TRERF1: variants seen among roughly 807,000 people sequenced by gnomAD.
TRERF1 encodes transcriptional-regulating factor 1.
In TRERF1, 27 loss-of-function variants were observed where a neutral mutation model predicts 122.9. The ratio of observed to expected loss-of-function variants is 0.22; its 90% CI spans 0.16 to 0.30. The LOEUF is 0.30. Among genes scored for constraint, TRERF1 ranks in the 10% least tolerant of loss-of-function variants. The pLI is 1.00. For synonymous variants in TRERF1, 636 were observed against 641.7 expected (o/e 0.99, Z 0.13); for missense variants, 1,248 against 1,560.3 (o/e 0.80, Z 3.37).
In TRERF1 at chr6:42,285,161, G is replaced by C. The variant is rs575960961; in HGVS notation, c.-258-15313C>G. Among the ~76,000 whole-genome samples the C allele has an allele frequency of 3.3e-5, 5 of 152,208 alleles. No individual in the cohort carries two copies. The South Asian group carries it at 8.3e-4, about 25-fold the overall frequency. The stretch of plus-strand genomic sequence containing the variant: ...TTTGTATCCTCTTTTATTTCCTTGA[G>C]CAGTGGTTTGTAGTTCTCCTTGAAG... On this transcript the variant is annotated intron_variant, in intron 4 of 17. Coordinates refer to ENST00000372922, the Ensembl canonical transcript of TRERF1.
intron 16 of TRERF1, among the ~76,000 whole-genome samples, chr6:42,233,845 G>A (rs1197308735): frequency 1.3e-5 from 2 of 152,184 alleles, no homozygotes; most frequent in Non-Finnish European, 2.9e-5. Flanking sequence ...GTTTTCTGAC[G>A]TATTCTACGT....
At chr6:42,351,289 A>C (rs552622773) in intron 3 of TRERF1, among the ~76,000 whole-genome samples, 1 of 152,334 alleles carries the variant, frequency 6.6e-6, no homozygotes, top group Non-Finnish European at 1.5e-5. Context: ...TGATGAAATA[A>C]TCAGAGGAAT....
At chr6:42,400,356 G>A (rs1437720347) in intron 2 of TRERF1, among the ~76,000 whole-genome samples, 1 of 152,224 alleles carries the variant, frequency 6.6e-6, no homozygotes, top group African/African-American at 2.4e-5. Flanking sequence ...AGAAGGAGGA[G>A]TAAGGCAGCT....
intron 2 of TRERF1, among the ~76,000 whole-genome samples, chr6:42,442,141 T>C (rs989368015): frequency 1.3e-5 from 2 of 152,116 alleles, no homozygotes; most frequent in African/African-American, 4.8e-5. Flanking sequence ...TCAGCCTCAT[T>C]ACTGGTGTCC....
At chr6:42,284,977 T>C (rs1024717076) in intron 4 of TRERF1, among the ~76,000 whole-genome samples, 7 of 152,182 alleles carry the variant, frequency 4.6e-5, no homozygotes, top group East Asian at 1.9e-4. Context: ...CTTTTTTTTT[T>C]CAAAGGTCCT....
intron 16 of TRERF1, among the ~76,000 whole-genome samples, 180 bp from the exon 17 acceptor site, chr6:42,233,108 CAGAAG>C (rs535797105): frequency 6.4e-4 from 97 of 152,234 alleles, no homozygotes; most frequent in African/African-American, 2.2e-3. Flanking sequence ...CTGCTACAAT[CAGAAG>C]AGAAGAAGCG....
chr6:42,394,902 A>C (rs1451549203), intron 2 of TRERF1, among the ~76,000 whole-genome samples: 1 of 152,212 alleles, frequency 6.6e-6, no homozygotes, highest in African/African-American at 2.4e-5. Flanking sequence ...CTTTAATGAA[A>C]GCACCAAGCC....
At chr6:42,261,015 T>C (rs1043559049) in intron 8 of TRERF1, among the ~76,000 whole-genome samples, 2 of 151,918 alleles carry the variant, frequency 1.3e-5, no homozygotes, top group African/African-American at 4.8e-5. Flanking sequence ...GGTTCCTAAC[T>C]ACCCCCGCCC....
intron 2 of TRERF1, among the ~76,000 whole-genome samples, chr6:42,422,521 A>T (rs1180555097): frequency 6.6e-6 from 1 of 151,638 alleles, no homozygotes; most frequent in Non-Finnish European, 1.5e-5. Flanking sequence ...AAAAAAAAAA[A>T]AAAAATACAA....
At chr6:42,270,630 T>C (rs1780044005) in intron 4 of TRERF1, among the ~76,000 whole-genome samples, 1 of 152,020 alleles carries the variant, frequency 6.6e-6, no homozygotes, top group Non-Finnish European at 1.5e-5. Context: ...AAACGATGCA[T>C]GTAATCAAAA....
In TRERF1 at chr6:42,243,347, C is replaced by T. The variant is rs36031963; in HGVS notation, c.2760G>A (p.Thr920=). ...AGTAGTACTCCACGCACTGAGCCAC[C>T]GTCTTGGACTTCACCTGCCGGGAAA... Residue 920 remains threonine (T), a synonymous_variant, in exon 15 of 18, where the codon ACG becomes ACA. Transcript: ENST00000372922. 985 of 1,613,656 alleles carry T rather than the reference C, an allele frequency of 6.1e-4. 8 individuals are homozygous for T. The East Asian group carries it at 0.012, about 20-fold the overall frequency.
At chr6:42,364,580 A>G (rs1772372485) in intron 2 of TRERF1, among the ~76,000 whole-genome samples, 1 of 152,202 alleles carries the variant, frequency 6.6e-6, no homozygotes, top group Non-Finnish European at 1.5e-5. Context: ...GAAGCTGTCC[A>G]GTGTCAAAAG....
intron 3 of TRERF1, among the ~76,000 whole-genome samples, chr6:42,332,412 G>C (rs1765406974): frequency 1.3e-5 from 2 of 152,146 alleles, no homozygotes; most frequent in African/African-American, 4.8e-5. Flanking sequence ...CTATTACAAG[G>C]TTTCCTTGGA....
intron 2 of TRERF1, among the ~76,000 whole-genome samples, chr6:42,431,521 C>A (rs368709235): frequency 6.6e-6 from 1 of 152,156 alleles, no homozygotes; most frequent in Non-Finnish European, 1.5e-5. Flanking sequence ...TCCCTACTGC[C>A]CTGTGGCTGC....
chr6:42,440,299 G>A (rs1582253578), intron 2 of TRERF1, among the ~76,000 whole-genome samples: 1 of 152,238 alleles, frequency 6.6e-6, no homozygotes, highest in East Asian at 1.9e-4. Flanking sequence ...AATTTCTAAA[G>A]GCAGCATAGT....
intron 2 of TRERF1, among the ~76,000 whole-genome samples, chr6:42,416,737 G>A (rs1781887865): frequency 1.3e-5 from 2 of 152,094 alleles, no homozygotes; most frequent in Non-Finnish European, 2.9e-5. Flanking sequence ...AATGTAAATG[G>A]CATTAGAATC....
exon 18 of TRERF1, chr6:42,227,033 A>G (rs1769644944): frequency 6.6e-6 from 1 of 152,266 alleles, no homozygotes; most frequent in African/African-American, 2.4e-5. Flanking sequence ...GCTAAATGGC[A>G]TTTTTGAAGG....
At chr6:42,313,500 A>T (rs1762008177) in intron 3 of TRERF1, among the ~76,000 whole-genome samples, 1 of 151,446 alleles carries the variant, frequency 6.6e-6, no homozygotes, top group Non-Finnish European at 1.5e-5. Flanking sequence ...CAACATCCTA[A>T]CTCTCCCAAG....
chr6:42,400,273 G>A (rs138518712), intron 2 of TRERF1, among the ~76,000 whole-genome samples: 302 of 152,312 alleles, frequency 2.0e-3, no homozygotes, highest in African/African-American at 6.9e-3. Context: ...CAGGGGTCTC[G>A]TACGGCTCCA....
Sources: allele counts gnomAD v4.1 joint callset (sites outside exome capture counted in the v4.1 genomes callset), GRCh38; gene constraint gnomAD v4.1.1; transcripts MANE v1.5; gene names NCBI Gene and HGNC (gene_info 2026-07-23, HGNC 2026-07-21).